Variants in ANKZF1 observed in about 807,000 individuals in gnomAD.
The protein encoded by ANKZF1 is ankyrin repeat and zinc finger peptidyl tRNA hydrolase 1, also known as tRNA endonuclease ANKZF1.
Under a neutral mutation model 86.0 loss-of-function variants are expected in ANKZF1, and 84 were observed. The ratio of observed to expected loss-of-function variants is 0.98; its 90% CI spans 0.82 to 1.17. The LOEUF (loss-of-function observed/expected upper bound fraction) is 1.17, where lower values mean the gene tolerates loss of function less well. Among genes scored for constraint, ANKZF1 ranks in the 50% most tolerant of loss-of-function variants. ANKZF1 has a pLI of 0.00. For missense variants in ANKZF1, 893 were observed against 918.4 expected (o/e 0.97, Z 0.36); for synonymous variants, 331 against 354.2 (o/e 0.93, Z 0.74).
intron 9 of ANKZF1, 50 bp downstream of exon 9, chr2:219,234,338 T>C: frequency 6.2e-7 from 1 of 1,612,454 alleles, no homozygotes; most frequent in Non-Finnish European, 8.5e-7. Context: ...GTCCTAAAAA[T>C]GCACTGGCAA....
At chr2:219,230,521 C>T (rs1174301533) in intron 2 of ANKZF1, 116 bp downstream of exon 2, 2 of 1,334,602 alleles carry the variant, frequency 1.5e-6, no homozygotes, top group African/African-American at 1.5e-5. Flanking sequence ...ATTTATCTTT[C>T]TGCTTGATTA....
rs1448337254 is a variant in ANKZF1, at chr2:219,235,855, G to A, written c.1951G>A (p.Ala651Thr). Residue 651 changes from alanine to threonine, a missense_variant, in exon 12 of 14, where the codon GCC (alanine) becomes ACC (threonine). Transcript: ENST00000323348. Reference sequence around the variant, plus strand: ...ACGAGAAGAGCAGCGGCGATTTGCCGCCCTCAGTGACCGAGAGAAGGTGAG... The same window carrying A: ...ACGAGAAGAGCAGCGGCGATTTGCCACCCTCAGTGACCGAGAGAAGGTGAG... ...REREEQRRFA[A>T]LSDREKRALA... 1.7e-5 allele frequency: 27 copies of A among 1,614,040 alleles called. No individual in the cohort carries two copies. The highest frequency in any genetic ancestry group is 8.9e-5 in the East Asian group (4 of 44,898).
chr2:219,233,784 C>G lies in ANKZF1; in HGVS notation c.889C>G (p.Arg297Gly). Residue 297 changes from arginine to glycine, a missense_variant, in exon 8 of 14, where the codon CGT (arginine) becomes GGT (glycine). By Grantham distance (125) the Arg-to-Gly change is moderately radical (BLOSUM62 -2). Transcript: ENST00000323348. ...GGAGGAGGCTGGTACAATACTGTTGCGTGCTCCCCGCTCTGGCCGGTCTTT... is the reference window on the plus strand; with the variant it reads ...GGAGGAGGCTGGTACAATACTGTTGGGTGCTCCCCGCTCTGGCCGGTCTTT... ...ALEEAGTILLRAPRSGRSLFF... is the reference protein window; with the variant it reads ...ALEEAGTILLGAPRSGRSLFF... 1.9e-6 allele frequency: 3 copies of G among 1,614,088 alleles called. No homozygotes were observed. Among genetic ancestry groups the G allele is most frequent in the African/African-American group, 2.7e-5 (2 of 75,072 alleles).
chr2:219,229,890 C>A lies in ANKZF1; in HGVS notation c.-41C>A. 5.1e-6 allele frequency: 1 copy of A among 197,008 alleles called. No individual in the cohort carries two copies. The highest frequency in any genetic ancestry group is 1.1e-5 in the Non-Finnish European group (1 of 95,118). The allele number at this position is 197,008 out of a possible 1,614,324, so 12.2% of individuals were successfully genotyped here. ...GAGGACTTGCGAGCCGCTCAGCTCC[C>A]GGGACGTTTGGTGCGTCTTCTAAGG... On this transcript the variant is annotated 5_prime_UTR_variant, in exon 1 of 14. Coordinates refer to ENST00000323348, the MANE Select transcript of ANKZF1 (RefSeq NM_018089.3). The surrounding 1 kb of genome is among the most constrained non-coding windows in gnomAD (Gnocchi z 4.2).
At chr2:219,230,599 A>C (rs1239035431) in intron 2 of ANKZF1, 194 bp downstream of exon 2, 2 of 618,576 alleles carry the variant, frequency 3.2e-6, no homozygotes, top group Non-Finnish European at 5.2e-6. Flanking sequence ...TTGCCATTGC[A>C]TGTATCTCCT....
At chr2:219,230,495 C>G in intron 2 of ANKZF1, 90 bp downstream of exon 2, 1 of 1,433,600 alleles carries the variant, frequency 7.0e-7, no homozygotes, top group Non-Finnish European at 9.3e-7. Context: ...TATTCCCGAG[C>G]TTAGGAGGCC....
rs778575377 is a variant in ANKZF1 at position 219,235,014 on chromosome 2, G to C, written c.1393G>C (p.Glu465Gln). Residue 465 changes from glutamate (E) to glutamine (Q), a missense_variant, in exon 10 of 14, where the codon GAG (glutamate) becomes CAG (glutamine). Physicochemically the swap from Glu to Gln is conservative, Grantham distance 29. Transcript: ENST00000323348. ...HRTLLQQTQE[E>Q]EPSTQSSQAV... Reference sequence around the variant, plus strand: ...GACTCTTCTCCAGCAAACTCAAGAAGAGGAGCCTTCCACACAGTCATCCCA... The same window carrying C: ...GACTCTTCTCCAGCAAACTCAAGAACAGGAGCCTTCCACACAGTCATCCCA... 1 of 1,614,270 alleles carries C rather than the reference G, an allele frequency of 6.2e-7. No homozygotes were observed. The highest frequency in any genetic ancestry group is 8.5e-7 in the Non-Finnish European group (1 of 1,180,056).
chr2:219,231,870 T>C (rs771852512), intron 2 of ANKZF1, 58 bp from the exon 3 acceptor site: 1 of 1,376,306 alleles, frequency 7.3e-7, no homozygotes, highest in South Asian at 1.2e-5. Flanking sequence ...TGAATATAAT[T>C]CTTGTCACTG....
chr2:219,235,655 C>T, intron 11 of ANKZF1, 53 bp from the exon 12 acceptor site: 1 of 1,611,262 alleles, frequency 6.2e-7, no homozygotes, highest in Admixed American at 1.7e-5. Context: ...CTTTCTACTT[C>T]TTGCAGTTTT....
Position 219,229,941 on chromosome 2 carries a change from T to G in ANKZF1, c.-31+41T>G. On this transcript the variant is annotated intron_variant, in intron 1 of 13. Coordinates refer to ENST00000323348, the MANE Select transcript of ANKZF1 (RefSeq NM_018089.3). This position sits in a 1 kb window ranked among gnomAD's most constrained non-coding sequence, Gnocchi z 4.2. ...GCGTGGGCGAGTTTACGCGGGCCAG[T>G]TGTTGCTGGTCGCATGGGTAACGAA... 1 of 254,252 alleles carries G rather than the reference T, an allele frequency of 3.9e-6. No individual in the cohort carries two copies. Among genetic ancestry groups the G allele is most frequent in the Non-Finnish European group, 7.6e-6 (1 of 130,974 alleles). The allele number at this position is 254,252 out of a possible 1,614,324, so 15.7% of individuals were successfully genotyped here. A position where few individuals can be genotyped will look rare whatever the true frequency, so the allele number is the denominator to read the frequency against.
At position 219,230,282 on chromosome 2, in the gene ANKZF1, C is replaced by A; in HGVS notation, c.25C>A (p.Pro9Thr). 1 of 1,613,800 alleles carries A rather than the reference C, an allele frequency of 6.2e-7. No homozygotes were observed. The highest frequency in any genetic ancestry group is 8.5e-7 in the Non-Finnish European group (1 of 1,179,798). Residue 9 changes from proline (P) to threonine (T), a missense_variant, in exon 2 of 14, where the codon CCG (proline) becomes ACG (threonine). Coordinates refer to ENST00000323348, the MANE Select transcript of ANKZF1 (RefSeq NM_018089.3). ...CATGTCGCCGGCTCCAGATGCAGCC[C>A]CGGCTCCTGCGTCGATCTCCCTGTT... MSPAPDAA[P>T]APASISLFDL...
In ANKZF1 at chr2:219,230,416, A is replaced by T. The variant is rs532986576; in HGVS notation, c.148+11A>T. On this transcript the variant is annotated intron_variant, in intron 2 of 13. Transcript: ENST00000323348. ...GTACTTCCTGTTCAGGTATCCTGGAAGGTTTCGTGTGAAACGTGACAGGGC... is the reference window on the plus strand; with the variant it reads ...GTACTTCCTGTTCAGGTATCCTGGATGGTTTCGTGTGAAACGTGACAGGGC... The T allele has an allele frequency of 2.5e-6, 4 of 1,596,176 alleles. No homozygotes were observed. The East Asian group carries it at 6.8e-5, about 27-fold the overall frequency.
Position 219,236,422 on chromosome 2 carries a change from CAGGCAGGG to C in ANKZF1, c.2163_2170del (p.Gly722LeufsTer?). Reference sequence around the variant, plus strand: ...ACGTTGCCTCCAGGATCATCGCCGTCAGGCAGGGAGGCCCTCTTCCTGATCTCTTACAG... The same window carrying C: ...ACGTTGCCTCCAGGATCATCGCCGTCAGGCCCTCTTCCTGATCTCTTACAG... On this transcript the variant is annotated frameshift_variant, in exon 14 of 14. Coordinates refer to ENST00000323348, the MANE Select transcript of ANKZF1 (RefSeq NM_018089.3). LOFTEE classifies it high-confidence loss of function. The C allele has an allele frequency of 6.2e-7, 1 of 1,609,606 alleles. No individual in the cohort carries two copies. The highest frequency in any genetic ancestry group is 8.5e-7 in the Non-Finnish European group (1 of 1,177,402).
Position 219,235,467 on chromosome 2 carries a change from C to T in ANKZF1, c.1692-7C>T. The T allele has an allele frequency of 6.2e-7, 1 of 1,613,148 alleles. No individual in the cohort carries two copies. The stretch of plus-strand genomic sequence containing the variant: ...GTTAAACCCATTTTTGGAGTTTTTG[C>T]ACCTAGGGACTCTCGGGCCCGGCCA... On this transcript the variant is annotated splice_polypyrimidine_tract_variant and splice_region_variant and intron_variant, in intron 10 of 13. Transcript: ENST00000323348.
chr2:219,235,994 A>C lies in ANKZF1; in HGVS notation c.1972-16A>C. The C allele has an allele frequency of 3.1e-6, 5 of 1,614,110 alleles. No individual in the cohort carries two copies. The highest frequency in any genetic ancestry group is 4.2e-6 in the Non-Finnish European group (5 of 1,180,016). On this transcript the variant is annotated splice_polypyrimidine_tract_variant and intron_variant, in intron 12 of 13. Transcript: ENST00000323348. ...GCCACTGGGGCCTTGTCCTTAACAC[A>C]ACTTGTCTCCCTCAGAGAGCTCTGG...
rs1482848433 is a variant in ANKZF1, at chr2:219,236,563, A to G, written c.*118A>G. On this transcript the variant is annotated 3_prime_UTR_variant, in exon 14 of 14. Coordinates refer to ENST00000323348, the MANE Select transcript of ANKZF1 (RefSeq NM_018089.3). Reference sequence around the variant, plus strand: ...GATTTGGAAGATGGGGGTGAAGGACACTCGGGAACTAGGGCAAAGACAGGG... The same window carrying G: ...GATTTGGAAGATGGGGGTGAAGGACGCTCGGGAACTAGGGCAAAGACAGGG... 1.5e-6 allele frequency: 2 copies of G among 1,343,456 alleles called. No homozygotes were observed. The highest frequency in any genetic ancestry group is 2.0e-6 in the Non-Finnish European group (2 of 993,902). 83.2% of individuals were successfully genotyped at this position (1,343,456 alleles called of 1,614,324 possible). A position where few individuals can be genotyped will look rare whatever the true frequency, so the allele number is the denominator to read the frequency against.
In ANKZF1 at chr2:219,236,399, G is replaced by A. The variant is rs781354105; in HGVS notation, c.2135G>A (p.Arg712His). The A allele has an allele frequency of 2.5e-6, 4 of 1,613,402 alleles. No homozygotes were observed. The highest frequency in any genetic ancestry group is 1.7e-5 in the Admixed American group (1 of 59,850). ...CTCGACTTCTCTTTCTGCTCCACAC[G>A]TTGCCTCCAGGATCATCGCCGTCAG... ...HYLDFSFCST[R>H]CLQDHRRQAG... Residue 712 changes from arginine to histidine, a missense_variant, in exon 14 of 14, where the codon CGT (arginine) becomes CAT (histidine). By Grantham distance (29) the Arg-to-His change is conservative (BLOSUM62 0). Coordinates refer to ENST00000323348, the MANE Select transcript of ANKZF1 (RefSeq NM_018089.3).
Position 219,232,288 on chromosome 2 carries a change from G to A in ANKZF1, c.290G>A (p.Arg97Gln), listed in dbSNP as rs761017394. 13 of 1,614,056 alleles carry A rather than the reference G, an allele frequency of 8.1e-6. No homozygotes were observed. The East Asian group carries it at 8.9e-5, about 11-fold the overall frequency. ...GAACATTATAAGCTTGACTGGCATC[G>A]GTTTAACCTAAAGCAACGTCTCAAG... Reference protein sequence around the residue: ...QREHYKLDWHRFNLKQRLKDK... With the variant: ...QREHYKLDWHQFNLKQRLKDK... Residue 97 changes from arginine to glutamine, a missense_variant, in exon 4 of 14, where the codon CGG becomes CAG. Transcript: ENST00000323348.
rs1423098989 is a variant in ANKZF1 at position 219,235,235 on chromosome 2, CCTG to C, written c.1616_1618del (p.Leu539del). Reference sequence around the variant, plus strand: ...CCTTGGGCTCCGGTGGCTTTACTCTCCTGCATGCAGCAGCTGCAGCTGGAAGAG... The same window carrying C: ...CCTTGGGCTCCGGTGGCTTTACTCTCCATGCAGCAGCTGCAGCTGGAAGAG... On this transcript the variant is annotated inframe_deletion, in exon 10 of 14. Coordinates refer to ENST00000323348, the MANE Select transcript of ANKZF1 (RefSeq NM_018089.3). The C allele has an allele frequency of 6.2e-7, 1 of 1,613,322 alleles. No homozygotes were observed. The highest frequency in any genetic ancestry group is 8.5e-7 in the Non-Finnish European group (1 of 1,180,056).
Sources: allele counts gnomAD v4.1 joint callset, GRCh38; gene constraint gnomAD v4.1.1; non-coding constraint Gnocchi (gnomAD v3.1); transcripts MANE v1.5; gene names NCBI Gene and HGNC (gene_info 2026-07-23, HGNC 2026-07-21).